TTC39C: variants seen among roughly 807,000 people sequenced by gnomAD.
TTC39C encodes tetratricopeptide repeat domain 39C, also known as tetratricopeptide repeat protein 39C.
Under a neutral mutation model 76.3 loss-of-function variants are expected in TTC39C, and 33 were observed. The observed-to-expected ratio is 0.43, with a 90% CI of 0.33 to 0.58. The LOEUF is 0.58. Among genes scored for constraint, TTC39C ranks in the 20% least tolerant of loss-of-function variants. TTC39C has a pLI of 0.04. For missense variants in TTC39C, 595 were observed against 701.4 expected (o/e 0.85, Z 1.71); for synonymous variants, 254 against 260.6 (o/e 0.97, Z 0.24).
In TTC39C at chr18:24,134,239, CA is replaced by C. The variant is rs1203799769; in HGVS notation, c.*1670del. The stretch of plus-strand genomic sequence containing the variant: ...TTTTCTGAAGAGCAAAATTGGTGCC[CA>C]AAAATATTGGACATCTGTTTTTTGT... On this transcript the variant is annotated 3_prime_UTR_variant, in exon 14 of 14. Coordinates refer to ENST00000317571, the MANE Select transcript of TTC39C (RefSeq NM_001135993.2). The C allele has an allele frequency of 7.4e-6, 1 of 135,802 alleles. No homozygotes were observed. Among genetic ancestry groups the C allele is most frequent in the Admixed American group, 7.6e-5 (1 of 13,116 alleles). 8.4% of individuals were successfully genotyped at this position (135,802 alleles called of 1,614,324 possible).
chr18:23,997,670 GAAAGAAAGAAAGAAAGAAA>G (rs2083276711), intron 1 of TTC39C, among the ~76,000 whole-genome samples: 1 of 81,112 alleles, frequency 1.2e-5, no homozygotes, highest in African/African-American at 4.2e-5. Flanking sequence ...AAGAAAGAAA[GAAAGAAAGAAAGAAAGAAA>G]GAAAGAAAGA....
chr18:24,013,520 G>A (rs1344503037), upstream of TTC39C, among the ~76,000 whole-genome samples: 1 of 152,042 alleles, frequency 6.6e-6, no homozygotes, highest in Non-Finnish European at 1.5e-5. Flanking sequence ...ATGACATAAT[G>A]TTTAAAATTC....
intron 5 of TTC39C, among the ~76,000 whole-genome samples, chr18:24,082,623 A>G (rs1041159411): frequency 2.6e-5 from 4 of 152,200 alleles, no homozygotes; most frequent in African/African-American, 9.6e-5. Flanking sequence ...TATGTCAGCC[A>G]TCTCTTCAGC....
At chr18:24,131,355 T>G (rs1451916398) in intron 12 of TTC39C, among the ~76,000 whole-genome samples, 2 of 152,060 alleles carry the variant, frequency 1.3e-5, no homozygotes, top group Non-Finnish European at 2.9e-5. Flanking sequence ...CTATGAAAAA[T>G]TATTTATCAA....
At chr18:24,052,065 G>C (rs575244735) in intron 1 of TTC39C, among the ~76,000 whole-genome samples, 1 of 152,242 alleles carries the variant, frequency 6.6e-6, no homozygotes, top group South Asian at 2.1e-4. Flanking sequence ...AGAGTGATTG[G>C]AGACATATTC....
intron 6 of TTC39C, among the ~76,000 whole-genome samples, chr18:24,090,443 A>G (rs1488048406): frequency 6.6e-6 from 1 of 152,200 alleles, no homozygotes; most frequent in Non-Finnish European, 1.5e-5. Flanking sequence ...AAGCAGTTTA[A>G]CATTTTTAAA....
At chr18:23,995,376 A>C (rs1599216242) in intron 1 of TTC39C, among the ~76,000 whole-genome samples, 1 of 151,652 alleles carries the variant, frequency 6.6e-6, no homozygotes, top group Admixed American at 6.6e-5. Context: ...GGGCTGAGGC[A>C]CGAAAATCAC....
chr18:24,099,504 T>A (rs1268433804), intron 6 of TTC39C, among the ~76,000 whole-genome samples: 1 of 151,954 alleles, frequency 6.6e-6, no homozygotes, highest in East Asian at 1.9e-4. Context: ...AACAATGTTA[T>A]ATATAATATA....
At chr18:24,063,586 C>T (rs1211102966) in intron 1 of TTC39C, among the ~76,000 whole-genome samples, 2 of 147,778 alleles carry the variant, frequency 1.4e-5, no homozygotes, top group African/African-American at 2.5e-5. Flanking sequence ...GGTCTTGGCT[C>T]AGTGCAACCT....
chr18:24,000,887 G>A (rs1474608810), intron 1 of TTC39C, among the ~76,000 whole-genome samples: 3 of 152,084 alleles, frequency 2.0e-5, no homozygotes, highest in Admixed American at 6.5e-5. Flanking sequence ...AGAGACTGTC[G>A]TTACTTGTGT....
At chr18:24,026,436 A>G (rs1267515298) in intron 1 of TTC39C, among the ~76,000 whole-genome samples, 1 of 152,212 alleles carries the variant, frequency 6.6e-6, no homozygotes, top group African/African-American at 2.4e-5. Flanking sequence ...GTGAGGAAAT[A>G]GGGTCAGATG....
chr18:24,107,890 G>GT (rs1555776839), intron 6 of TTC39C, among the ~76,000 whole-genome samples: 27 of 143,972 alleles, frequency 1.9e-4, no homozygotes, highest in East Asian at 1.7e-3. Context: ...TCCCAAGTAG[G>GT]GGGGGGGGTA....
chr18:24,081,587 C>T (rs142749013), intron 5 of TTC39C, among the ~76,000 whole-genome samples: 28 of 152,236 alleles, frequency 1.8e-4, no homozygotes, highest in African/African-American at 5.3e-4. Flanking sequence ...TAATTTAACA[C>T]GATTCCGGAT....
At chr18:24,023,599 G>A (rs1178459555) in intron 1 of TTC39C, among the ~76,000 whole-genome samples, 2 of 152,018 alleles carry the variant, frequency 1.3e-5, no homozygotes, top group African/African-American at 4.8e-5. Context: ...TCCCTTGCAG[G>A]GCTCTGGGGT....
upstream of TTC39C, among the ~76,000 whole-genome samples, chr18:24,010,879 C>T (rs117602414): frequency 2.4e-4 from 37 of 152,264 alleles, 1 homozygote; most frequent in East Asian, 6.7e-3. Flanking sequence ...GAAACCCTAT[C>T]TCTACAAAAC....
intron 1 of TTC39C, among the ~76,000 whole-genome samples, chr18:24,025,599 G>A (rs147094128): frequency 2.0e-5 from 3 of 152,270 alleles, no homozygotes; most frequent in African/African-American, 7.2e-5. Context: ...AAAGTTTTGC[G>A]GGACATGAGA....
chr18:24,068,459 C>T (rs996121767), intron 3 of TTC39C, among the ~76,000 whole-genome samples: 1 of 152,128 alleles, frequency 6.6e-6, no homozygotes, highest in African/African-American at 2.4e-5. Flanking sequence ...CATATTAAAG[C>T]TATTTAACTT....
intron 1 of TTC39C, among the ~76,000 whole-genome samples, chr18:24,020,952 C>G (rs1471259176): frequency 6.6e-6 from 1 of 152,000 alleles, no homozygotes; most frequent in East Asian, 1.9e-4. Flanking sequence ...ACTTTCTATT[C>G]TAGTTACACG....
chr18:24,084,892 T>G (rs1461480012), intron 6 of TTC39C, among the ~76,000 whole-genome samples: 1 of 152,194 alleles, frequency 6.6e-6, no homozygotes, highest in Non-Finnish European at 1.5e-5. Context: ...CTCAAACTCC[T>G]GGGCTCAAGA....
Sources: allele counts gnomAD v4.1 joint callset (sites outside exome capture counted in the v4.1 genomes callset), GRCh38; gene constraint gnomAD v4.1.1; transcripts MANE v1.5; gene names NCBI Gene and HGNC (gene_info 2026-07-23, HGNC 2026-07-21).